The following UBR3 variants were observed in gnomAD, a reference collection of about 807,000 sequenced individuals.
UBR3 encodes ubiquitin protein ligase E3 component n-recognin 3, also known as E3 ubiquitin-protein ligase UBR3.
Under a neutral mutation model 243.2 loss-of-function variants are expected in UBR3, and 85 were observed. That is an observed-to-expected ratio of 0.35 (90% CI 0.29 to 0.42). The LOEUF is 0.42. Among genes scored for constraint, UBR3 ranks in the 10% least tolerant of loss-of-function variants. The pLI is 1.00. For synonymous variants in UBR3, 748 were observed against 799.8 expected (o/e 0.94, Z 1.09); for missense variants, 1,686 against 2,300.8 (o/e 0.73, Z 5.47).
intron 28 of UBR3, 72 bp from the exon 29 acceptor site, chr2:170,008,732 A>AAAT: frequency 1.3e-6 from 1 of 752,762 alleles, no homozygotes; most frequent in Non-Finnish European, 2.0e-6. Context: ...CATATAATAA[A>AAAT]CATTCTAGTT....
At chr2:170,046,336 G>C (rs1004091577) in intron 32 of UBR3, among the ~76,000 whole-genome samples, 1 of 152,110 alleles carries the variant, frequency 6.6e-6, no homozygotes, top group Non-Finnish European at 1.5e-5. Flanking sequence ...ATTGGATTTG[G>C]TTGTTATAGT....
intron 24 of UBR3, among the ~76,000 whole-genome samples, chr2:169,976,486 C>T (rs1162952417): frequency 1.3e-5 from 2 of 151,938 alleles, no homozygotes; most frequent in Non-Finnish European, 2.9e-5. Context: ...CTAGGAGAGA[C>T]TTTATTTCTC....
intron 1 of UBR3, among the ~76,000 whole-genome samples, chr2:169,832,865 G>A (rs1476253061): frequency 6.6e-6 from 1 of 151,448 alleles, no homozygotes; most frequent in Non-Finnish European, 1.5e-5. Flanking sequence ...CCCAGGAGGC[G>A]GAGGTTACAG....
rs60845808 is a variant in UBR3 at position 169,836,067 on chromosome 2, A to ATTTTTTTT, written c.545+8034_545+8041dup. ...TCTATATATATATATATATATATAT[A>ATTTTTTTT]TTTTTTTTTTTTTTTTTTTTTTTTT... On this transcript the variant is annotated intron_variant, in intron 1 of 38. Coordinates refer to ENST00000272793, the MANE Select transcript of UBR3 (RefSeq NM_172070.4). Among the ~76,000 whole-genome samples, 17 of 32,668 alleles carry ATTTTTTTT rather than the reference A, an allele frequency of 5.2e-4. 2 individuals carry two copies. Among genetic ancestry groups the ATTTTTTTT allele is most frequent in the Non-Finnish European group, 7.2e-4 (14 of 19,550 alleles). The allele number at this position is 32,668 out of a possible 152,430, so 21.4% of individuals were successfully genotyped here. A position where few individuals can be genotyped will look rare whatever the true frequency, so the allele number is the denominator to read the frequency against.
chr2:170,046,587 A>G (rs1444751916), intron 32 of UBR3, among the ~76,000 whole-genome samples: 9 of 152,218 alleles, frequency 5.9e-5, no homozygotes, highest in Admixed American at 3.9e-4. Context: ...ATAATGTTAA[A>G]TACTTTTTTA....
At chr2:169,889,521 A>G (rs887016226) in intron 5 of UBR3, among the ~76,000 whole-genome samples, 3 of 152,138 alleles carry the variant, frequency 2.0e-5, no homozygotes, top group African/African-American at 7.2e-5. Flanking sequence ...GTATGCTTTT[A>G]CATTCCTGTG....
intron 23 of UBR3, among the ~76,000 whole-genome samples, chr2:169,957,197 A>T (rs2087339914): frequency 6.6e-6 from 1 of 152,110 alleles, no homozygotes; most frequent in South Asian, 2.1e-4. Context: ...ACATAATCTG[A>T]AGAAACCTGT....
intron 1 of UBR3, among the ~76,000 whole-genome samples, chr2:169,833,200 G>T (rs2081991662): frequency 6.6e-6 from 1 of 152,162 alleles, no homozygotes; most frequent in Non-Finnish European, 1.5e-5. Flanking sequence ...GACCCTTGTA[G>T]TTCAAACTAG....
chr2:170,015,073 T>TGAAC (rs2090195435), intron 29 of UBR3: 1 of 431,062 alleles, frequency 2.3e-6, no homozygotes, highest in Non-Finnish European at 4.1e-6. Flanking sequence ...GGTGTAAATA[T>TGAAC]GAACATATAA....
chr2:169,842,395 G>C (rs2082327246), intron 1 of UBR3, among the ~76,000 whole-genome samples: 1 of 152,152 alleles, frequency 6.6e-6, no homozygotes, highest in Admixed American at 6.5e-5. Context: ...AACAGGATGT[G>C]GGTGGGGCCA....
intron 8 of UBR3, among the ~76,000 whole-genome samples, chr2:169,902,688 C>T (rs2084875261): frequency 6.6e-6 from 1 of 151,320 alleles, no homozygotes; most frequent in Non-Finnish European, 1.5e-5. Context: ...CGGCTCACTG[C>T]AACCTCCGCC....
chr2:169,905,062 G>A, intron 8 of UBR3, 52 bp from the exon 9 acceptor site: 1 of 1,391,702 alleles, frequency 7.2e-7, no homozygotes, highest in Non-Finnish European at 9.4e-7. Flanking sequence ...TATTGGTTAA[G>A]CTTTTTAAAA....
At chr2:169,886,659 C>A (rs543998690) in intron 5 of UBR3, among the ~76,000 whole-genome samples, 1 of 151,916 alleles carries the variant, frequency 6.6e-6, no homozygotes, top group African/African-American at 2.4e-5. Flanking sequence ...ATAAGCATAC[C>A]GTGTCTTCAT....
At position 169,865,777 on chromosome 2, in the gene UBR3, C is replaced by T. The variant is rs570370111; in HGVS notation, c.546-6459C>T. 2.6e-5 allele frequency among the ~76,000 whole-genome samples: 4 copies of T among 152,256 alleles called. No homozygotes were observed. In the South Asian group the frequency reaches 8.3e-4, roughly 32 times the overall value. On this transcript the variant is annotated intron_variant, in intron 1 of 38. Transcript: ENST00000272793. ...TTTCTCTCCTTCACATTTATGCTTA[C>T]AGGCTTTTTAATTAAGTTGTCTTTG...
At chr2:169,990,676 T>G (rs912555356) in intron 25 of UBR3, among the ~76,000 whole-genome samples, 3 of 151,324 alleles carry the variant, frequency 2.0e-5, no homozygotes, top group Non-Finnish European at 4.4e-5. Flanking sequence ...GTGAAGATGT[T>G]AATTCTAATC....
chr2:169,969,573 G>C (rs2087995112), intron 24 of UBR3, among the ~76,000 whole-genome samples: 2 of 145,414 alleles, frequency 1.4e-5, no homozygotes, highest in Admixed American at 1.4e-4. Context: ...TTGTTAGATG[G>C]ATTCTTGCTC....
intron 30 of UBR3, among the ~76,000 whole-genome samples, chr2:170,019,860 C>T (rs554592929): frequency 2.0e-5 from 3 of 152,206 alleles, no homozygotes; most frequent in East Asian, 1.9e-4. Flanking sequence ...ACTGCAGCCT[C>T]GAACTCCTGG....
At chr2:169,848,010 C>T (rs1464074601) in intron 1 of UBR3, among the ~76,000 whole-genome samples, 1 of 152,184 alleles carries the variant, frequency 6.6e-6, no homozygotes, top group Non-Finnish European at 1.5e-5. Context: ...TTCCTAGATG[C>T]TTAGTTCTGT....
At chr2:169,929,649 C>T (rs1191301453) in intron 18 of UBR3, among the ~76,000 whole-genome samples, 3 of 152,000 alleles carry the variant, frequency 2.0e-5, no homozygotes, top group Admixed American at 6.6e-5. Context: ...ATGCACAGAA[C>T]GTTTTCCTTA....
Sources: allele counts gnomAD v4.1 joint callset (sites outside exome capture counted in the v4.1 genomes callset), GRCh38; gene constraint gnomAD v4.1.1; transcripts MANE v1.5; gene names NCBI Gene and HGNC (gene_info 2026-07-23, HGNC 2026-07-21).